Variants in SPATA6L observed in about 807,000 individuals in gnomAD.
SPATA6L encodes spermatogenesis associated 6-like protein.
A neutral mutation model predicts 49.2 loss-of-function variants in SPATA6L; 68 were observed. The ratio of observed to expected loss-of-function variants is 1.38; its 90% CI spans 1.14 to 1.69. The LOEUF (loss-of-function observed/expected upper bound fraction) is 1.69. Among genes scored for constraint, SPATA6L ranks in the 40% most tolerant of loss-of-function variants. The probability of loss-of-function intolerance (pLI) is 0.00; values close to 1 mark genes in which losing one functional copy is unlikely to be tolerated. For missense variants in SPATA6L, 668 were observed against 464.3 expected (o/e 1.44, Z -4.03); for synonymous variants, 198 against 165.7 (o/e 1.19, Z -1.50).
chr9:4,605,461 G>A (rs375304478), intron 9 of SPATA6L, 21 bp from the exon 10 acceptor site: 27 of 1,577,022 alleles, frequency 1.7e-5, no homozygotes, highest in Non-Finnish European at 2.3e-5. Context: ...GATGGAACAG[G>A]GTGGAATATT....
At chr9:4,629,316 T>C (rs1830987223) in intron 4 of SPATA6L, 148 bp from the exon 5 acceptor site, 8 of 565,794 alleles carry the variant, frequency 1.4e-5, no homozygotes, top group Non-Finnish European at 2.5e-5. Flanking sequence ...GTAATAAGAA[T>C]AGCTAAACAC....
At chr9:4,620,073 C>A (rs1828923946) in intron 7 of SPATA6L, among the ~76,000 whole-genome samples, 1 of 152,058 alleles carries the variant, frequency 6.6e-6, no homozygotes, top group African/African-American at 2.4e-5. Flanking sequence ...ATTTTCATAT[C>A]CTTTGGGCAT....
intron 3 of SPATA6L, 70 bp downstream of exon 3, chr9:4,655,971 C>G (rs2130758231): frequency 8.6e-7 from 1 of 1,168,656 alleles, no homozygotes; most frequent in Non-Finnish European, 1.2e-6. Context: ...TAGAAAAGAG[C>G]AGAGTTTTGA....
chr9:4,625,355 C>T lies in SPATA6L; in HGVS notation c.641G>A (p.Gly214Glu), dbSNP rs755997192. ...TCTAACAACAAATGGAGGCTTGCTT[C>T]CTCCAGAGATTTTGAAATTATTTCC... ...NLGNNFKISG[G>E]SKPPFVVRHV... The change falls in exon 6 of 12, where the codon GGA becomes GAA. Residue 214 changes from glycine (G) to glutamate (E), a missense_variant. Transcript: ENST00000682582. 7 of 1,613,682 alleles carry T rather than the reference C, an allele frequency of 4.3e-6. No individual in the cohort carries two copies. Among genetic ancestry groups the T allele is most frequent in the Middle Eastern group, 1.6e-4 (1 of 6,084 alleles).
intron 3 of SPATA6L, among the ~76,000 whole-genome samples, chr9:4,642,812 A>T (rs1183693413): frequency 6.6e-6 from 1 of 151,824 alleles, no homozygotes; most frequent in Non-Finnish European, 1.5e-5. Context: ...ATAAGAATTT[A>T]TAACAAAATC....
At position 4,606,834 on chromosome 9, in the gene SPATA6L, T is replaced by C. The variant is rs573475672; in HGVS notation, c.996-1394A>G. Among the ~76,000 whole-genome samples the C allele has an allele frequency of 1.0e-3, 148 of 147,462 alleles. 1 individual carries two copies. The highest frequency in any genetic ancestry group is 3.6e-3 in the African/African-American group (137 of 38,364). On this transcript the variant is annotated intron_variant, in intron 9 of 11. Transcript: ENST00000682582. ...GCTGAGAGAAGAAGGCTTCAGACGATCAAATTACTCTGAGCTACGGGAGGA... is the reference window on the plus strand; with the variant it reads ...GCTGAGAGAAGAAGGCTTCAGACGACCAAATTACTCTGAGCTACGGGAGGA...
At position 4,656,092 on chromosome 9, in the gene SPATA6L, G is replaced by A; in HGVS notation, c.178-3C>T. The A allele has an allele frequency of 2.5e-6, 4 of 1,611,356 alleles. No homozygotes were observed. Among genetic ancestry groups the A allele is most frequent in the East Asian group, 2.2e-5 (1 of 44,856 alleles). On this transcript the variant is annotated splice_polypyrimidine_tract_variant and splice_region_variant and intron_variant, in intron 2 of 11. Coordinates refer to ENST00000682582, the MANE Select transcript of SPATA6L (RefSeq NM_001353486.2). Reference sequence around the variant, plus strand: ...GGATCTACTGCACTTTCAAATACCTGCAGAGAAAAATGGGGAAAATAAATT... The same window carrying A: ...GGATCTACTGCACTTTCAAATACCTACAGAGAAAAATGGGGAAAATAAATT...
At chr9:4,606,415 A>G (rs1335224733) in intron 9 of SPATA6L, among the ~76,000 whole-genome samples, 2 of 89,374 alleles carry the variant, frequency 2.2e-5, no homozygotes, top group Non-Finnish European at 4.5e-5. Context: ...AGCTTTGAAG[A>G]GAGCAGTGGT....
At chr9:4,649,934 T>C (rs748872093) in intron 3 of SPATA6L, among the ~76,000 whole-genome samples, 1 of 152,248 alleles carries the variant, frequency 6.6e-6, no homozygotes, top group Non-Finnish European at 1.5e-5. Context: ...TTCTTACAGA[T>C]GTGACCCATC....
At chr9:4,622,227 A>T (rs1010917361) in intron 7 of SPATA6L, among the ~76,000 whole-genome samples, 181 bp downstream of exon 7, 4 of 152,202 alleles carry the variant, frequency 2.6e-5, no homozygotes, top group African/African-American at 7.2e-5. Context: ...CTCAGACAGA[A>T]GCTTCTCAGC....
chr9:4,663,348 G>T, intron 1 of SPATA6L: 1 of 1,400,956 alleles, frequency 7.1e-7, no homozygotes, highest in Non-Finnish European at 9.9e-7. Flanking sequence ...CATCCCGCTT[G>T]TCCCTCTTAG....
intron 9 of SPATA6L, among the ~76,000 whole-genome samples, chr9:4,612,169 C>G (rs1361697809): frequency 6.6e-6 from 1 of 151,996 alleles, no homozygotes; most frequent in East Asian, 1.9e-4. Context: ...GAGACAGGGT[C>G]TCCCCATGCT....
intron 2 of SPATA6L, among the ~76,000 whole-genome samples, chr9:4,661,179 C>T (rs1839628795): frequency 6.6e-6 from 1 of 152,192 alleles, no homozygotes. Flanking sequence ...CTGTAGCCTT[C>T]CTTCTCCCCA....
chr9:4,617,662 T>C, intron 9 of SPATA6L: 1 of 341,424 alleles, frequency 2.9e-6, no homozygotes, highest in East Asian at 4.5e-5. Context: ...TGAAAAGGTT[T>C]AGTTTTTAAA....
At chr9:4,656,348 A>T (rs1419932608) in intron 2 of SPATA6L, among the ~76,000 whole-genome samples, 1 of 152,022 alleles carries the variant, frequency 6.6e-6, no homozygotes, top group Non-Finnish European at 1.5e-5. Context: ...CTGAGGCTGG[A>T]GGGTCACTTG....
chr9:4,627,589 C>T, intron 5 of SPATA6L: 4 of 432,192 alleles, frequency 9.3e-6, no homozygotes, highest in South Asian at 2.0e-5. Flanking sequence ...TTTATTCCTT[C>T]TCCATCTTGT....
Position 4,625,486 on chromosome 9 carries a change from T to C in SPATA6L, c.510A>G (p.Leu170=), listed in dbSNP as rs774051236. Residue 170 remains leucine (L), a synonymous_variant, in exon 6 of 12, where the codon CTA becomes CTG. Coordinates refer to ENST00000682582, the MANE Select transcript of SPATA6L (RefSeq NM_001353486.2). The stretch of plus-strand genomic sequence containing the variant: ...GCAGTCTGTTGAGATTATTCTCCTT[T>C]AGTTTCATCTTTATAGTATTTAAGG... ...IFPLNTIKMK[L]KENNLNRLPK... is the part of the protein sequence containing the mutation. 21 of 1,614,088 alleles carry C rather than the reference T, an allele frequency of 1.3e-5. No individual in the cohort carries two copies. In the Admixed American group the frequency reaches 1.5e-4, roughly 12 times the overall value.
chr9:4,663,044 G>A, intron 1 of SPATA6L: 3 of 1,613,932 alleles, frequency 1.9e-6, no homozygotes, highest in Non-Finnish European at 1.7e-6. Context: ...TGATGTCGAG[G>A]TTCATCCTGA....
At chr9:4,613,252 GA>G (rs922316355) in intron 9 of SPATA6L, among the ~76,000 whole-genome samples, 4 of 151,534 alleles carry the variant, frequency 2.6e-5, no homozygotes, top group African/African-American at 9.7e-5. Context: ...AAGAAAGAAA[GA>G]AAGAAAATGA....
Sources: gnomAD v4.1 joint callset for allele counts (sites outside exome capture counted in the v4.1 genomes callset) on GRCh38, gnomAD v4.1.1 for gene constraint, MANE v1.5 for transcripts, NCBI Gene and HGNC (gene_info 2026-07-23, HGNC 2026-07-21) for gene names.